CSMD1: variants seen among roughly 807,000 people sequenced by gnomAD.
CSMD1 encodes the protein CUB and sushi domain-containing protein 1.
Under a neutral mutation model 417.5 loss-of-function variants are expected in CSMD1, and 213 were observed. The ratio of observed to expected loss-of-function variants is 0.51; its 90% CI spans 0.46 to 0.57. CSMD1 has a LOEUF of 0.57. CSMD1 is among the 20% of genes least tolerant of loss of function. The probability of loss-of-function intolerance (pLI) is 0.00; values close to 1 mark genes in which losing one functional copy is unlikely to be tolerated. For synonymous variants in CSMD1, 2,862 were observed against 1,736.8 expected (o/e 1.65, Z -16.11); for missense variants, 6,923 against 4,529.7 (o/e 1.53, Z -15.17).
intron 3 of CSMD1, among the ~76,000 whole-genome samples, chr8:4,034,319 T>C (rs1475512837): frequency 1.3e-5 from 2 of 152,242 alleles, no homozygotes; most frequent in African/African-American, 4.8e-5. Flanking sequence ...AGATCTCTAT[T>C]TACATAGTCA....
chr8:4,444,326 TAC>T (rs540333317), intron 2 of CSMD1, among the ~76,000 whole-genome samples: 1 of 108,538 alleles, frequency 9.2e-6, no homozygotes, highest in East Asian at 3.0e-4. Context: ...AAGCCTGGGC[TAC>T]AGAGTGAGAC....
intron 41 of CSMD1, among the ~76,000 whole-genome samples, chr8:3,130,450 C>T (rs1817736081): frequency 6.6e-6 from 1 of 152,130 alleles, no homozygotes; most frequent in Non-Finnish European, 1.5e-5. Context: ...TTCCCCCAAC[C>T]CCCATCCACA....
intron 6 of CSMD1, among the ~76,000 whole-genome samples, chr8:3,726,180 G>T (rs1802484327): frequency 6.6e-6 from 1 of 152,094 alleles, no homozygotes; most frequent in Non-Finnish European, 1.5e-5. Flanking sequence ...ACACGAATCA[G>T]CTCTTGGAAC....
intron 23 of CSMD1, among the ~76,000 whole-genome samples, chr8:3,318,306 G>C (rs1192080753): frequency 6.6e-6 from 1 of 152,110 alleles, no homozygotes; most frequent in African/African-American, 2.4e-5. Flanking sequence ...GAAAATCTCT[G>C]TAGTTCTCTA....
intron 5 of CSMD1, among the ~76,000 whole-genome samples, chr8:3,878,360 T>C (rs1805972025): frequency 1.3e-5 from 2 of 152,158 alleles, no homozygotes; most frequent in Non-Finnish European, 2.9e-5. Flanking sequence ...TCTTCTTTAT[T>C]TGATACACGA....
At position 3,642,309 on chromosome 8, in the gene CSMD1, G is replaced by A. The variant is rs928233607; in HGVS notation, c.1010-25512C>T. On this transcript the variant is annotated intron_variant, in intron 7 of 69. Coordinates refer to ENST00000635120, the MANE Select transcript of CSMD1 (RefSeq NM_033225.6). Reference sequence around the variant, plus strand: ...CTGTGAAAAAGAGATCAGAAAGAGTGAAAAGAACTTGCTCTTTCCCACCTT... The same window carrying A: ...CTGTGAAAAAGAGATCAGAAAGAGTAAAAAGAACTTGCTCTTTCCCACCTT... Among the ~76,000 whole-genome samples, 19 of 152,268 alleles carry A rather than the reference G, an allele frequency of 1.2e-4. 1 individual carries two copies. In the East Asian group the frequency reaches 2.3e-3, roughly 19 times the overall value.
chr8:3,588,121 G>A (rs1584927711), intron 8 of CSMD1, among the ~76,000 whole-genome samples: 1 of 150,048 alleles, frequency 6.7e-6, no homozygotes. Context: ...TCTATTCCAG[G>A]TATCAGTCTC....
chr8:3,679,724 G>A (rs548988486), intron 7 of CSMD1, among the ~76,000 whole-genome samples: 2 of 152,160 alleles, frequency 1.3e-5, no homozygotes, highest in African/African-American at 4.8e-5. Flanking sequence ...CAAATCAACA[G>A]AATATACATT....
intron 8 of CSMD1, among the ~76,000 whole-genome samples, chr8:3,610,706 T>C (rs1801849547): frequency 6.6e-6 from 1 of 152,146 alleles, no homozygotes; most frequent in Non-Finnish European, 1.5e-5. Flanking sequence ...CTTCATATGT[T>C]CTTTCTCTTA....
At chr8:2,972,750 C>T (rs113492364) in intron 57 of CSMD1, among the ~76,000 whole-genome samples, 21 of 152,172 alleles carry the variant, frequency 1.4e-4, no homozygotes, top group East Asian at 5.8e-4. Context: ...TTCCAGCCTG[C>T]GGAAATTCCC....
intron 3 of CSMD1, among the ~76,000 whole-genome samples, chr8:4,152,280 T>C (rs773936991): frequency 6.6e-6 from 1 of 152,218 alleles, no homozygotes; most frequent in Non-Finnish European, 1.5e-5. Context: ...AGAAATACGA[T>C]GGTTAAAAAT....
At chr8:4,713,648 C>A (rs528157822) in intron 1 of CSMD1, among the ~76,000 whole-genome samples, 6 of 152,176 alleles carry the variant, frequency 3.9e-5, no homozygotes, top group African/African-American at 1.4e-4. Context: ...AAAAGTGGAA[C>A]GTCTCTTAAC....
chr8:2,944,605 G>A (rs928812519), intron 68 of CSMD1, among the ~76,000 whole-genome samples: 2 of 151,992 alleles, frequency 1.3e-5, no homozygotes, highest in Non-Finnish European at 1.5e-5. Context: ...GTTTGGTTTC[G>A]TTTGGTTTGG....
In CSMD1 at chr8:3,345,963, C is replaced by T. The variant is rs539878125; in HGVS notation, c.3474+2029G>A. ...GATTTTTCCACATGAAGCAAGAAAA[C>T]ATCATGTTTATTTACGTGTGCAGGG... On this transcript the variant is annotated intron_variant, in intron 22 of 69. Coordinates refer to ENST00000635120, the MANE Select transcript of CSMD1 (RefSeq NM_033225.6). Among the ~76,000 whole-genome samples, 9 of 152,274 alleles carry T rather than the reference C, an allele frequency of 5.9e-5. No individual in the cohort carries two copies. In the South Asian group the frequency reaches 1.9e-3, roughly 32 times the overall value.
Position 3,572,023 on chromosome 8 carries a change from A to G in CSMD1, c.1344+2922T>C, listed in dbSNP as rs1799965568. Among the ~76,000 whole-genome samples, 3 of 152,144 alleles carry G rather than the reference A, an allele frequency of 2.0e-5. No individual in the cohort carries two copies. The South Asian group carries it at 6.2e-4, about 32-fold the overall frequency. ...CATTCATTTGACTTCAAAAGACGCGAAAGAAGGGGATGGAAAGAAATTCCA... is the reference window on the plus strand; with the variant it reads ...CATTCATTTGACTTCAAAAGACGCGGAAGAAGGGGATGGAAAGAAATTCCA... On this transcript the variant is annotated intron_variant, in intron 10 of 69. Transcript: ENST00000635120.
At chr8:3,117,069 T>TTTAC (rs1460751262) in intron 42 of CSMD1, among the ~76,000 whole-genome samples, 1 of 151,986 alleles carries the variant, frequency 6.6e-6, no homozygotes, top group Admixed American at 6.6e-5. Context: ...TATTTTTTAT[T>TTTAC]TTATTTATTT....
rs543840033 is a variant in CSMD1, at chr8:3,346,655, C to T, written c.3474+1337G>A. ...CTGTAAGCTTCTCCTGACCTTTGCA[C>T]ATAACTTCTAATGAGGTCAAGTGGA... On this transcript the variant is annotated intron_variant, in intron 22 of 69. Coordinates refer to ENST00000635120, the MANE Select transcript of CSMD1 (RefSeq NM_033225.6). Among the ~76,000 whole-genome samples the T allele has an allele frequency of 9.2e-5, 14 of 152,302 alleles. No individual in the cohort carries two copies. In the South Asian group the frequency reaches 2.9e-3, roughly 32 times the overall value.
At chr8:3,234,668 G>C (rs561284007) in intron 26 of CSMD1, among the ~76,000 whole-genome samples, 22 of 152,314 alleles carry the variant, frequency 1.4e-4, no homozygotes, top group African/African-American at 5.1e-4. Context: ...TGGGAGAGCA[G>C]AGGAAGGCAG....
chr8:3,743,564 A>G (rs113964802), intron 6 of CSMD1, among the ~76,000 whole-genome samples: 16 of 152,220 alleles, frequency 1.1e-4, no homozygotes, highest in African/African-American at 3.6e-4. Flanking sequence ...AAATCTTGGG[A>G]CCTCAAACTC....
Sources: gnomAD v4.1 joint callset for allele counts (sites outside exome capture counted in the v4.1 genomes callset) on GRCh38, gnomAD v4.1.1 for gene constraint, MANE v1.5 for transcripts, NCBI Gene and HGNC (gene_info 2026-07-23, HGNC 2026-07-21) for gene names.